The following NKD1 variants were observed in gnomAD, a reference collection of about 807,000 sequenced individuals.
The protein encoded by NKD1 is NKD inhibitor of Wnt signaling pathway 1.
A neutral mutation model predicts 56.0 loss-of-function variants in NKD1; 21 were observed. The ratio of observed to expected loss-of-function variants is 0.38; its 90% CI spans 0.27 to 0.54. The LOEUF (loss-of-function observed/expected upper bound fraction) is 0.54. NKD1 is among the 20% of genes least tolerant of loss of function. NKD1 has a pLI of 0.82. For synonymous variants in NKD1, 263 were observed against 265.7 expected, an observed-to-expected ratio of 0.99 and a Z score of 0.10; for missense variants, 578 against 642.7, an observed-to-expected ratio of 0.90 and a Z score of 1.09.
chr16:50,574,165 A>G (rs1960943605), intron 3 of NKD1: 1 of 959,900 alleles, frequency 1.0e-6, no homozygotes. Flanking sequence ...CAAATGCAGG[A>G]CTGCCTATGT....
chr16:50,590,960 G>T (rs1351652380), intron 3 of NKD1, among the ~76,000 whole-genome samples: 10 of 152,068 alleles, frequency 6.6e-5, no homozygotes, highest in Non-Finnish European at 2.9e-5. Context: ...TGGTAGCTGG[G>T]ATTACAGGTG....
Position 50,633,612 on chromosome 16 carries a change from G to T in NKD1, c.1244G>T (p.Gly415Val). Residue 415 changes from glycine (G) to valine (V), a missense_variant, in exon 10 of 10, where the codon GGC (glycine) becomes GTC (valine). Physicochemically the swap from Gly to Val is moderately radical, Grantham distance 109. Coordinates refer to ENST00000268459, the MANE Select transcript of NKD1 (RefSeq NM_033119.5). The surrounding 1 kb of genome is among the most constrained non-coding windows in gnomAD (Gnocchi z 4.9). The stretch of plus-strand genomic sequence containing the variant: ...AAGGAGAGCCAGCAGGGCTGCCGGG[G>T]CCTGCAGGCACCACTGGCCTCAGGT... Reference protein sequence around the residue: ...RAKESQQGCRGLQAPLASGGP... With the variant: ...RAKESQQGCRVLQAPLASGGP... The T allele has an allele frequency of 6.2e-7, 1 of 1,610,444 alleles. No individual in the cohort carries two copies. Among genetic ancestry groups the T allele is most frequent in the East Asian group, 2.2e-5 (1 of 44,774 alleles).
rs1962549513 is a variant in NKD1, at chr16:50,640,029, T to C, written c.*6248T>C. 1 of 152,254 alleles carries C rather than the reference T, an allele frequency of 6.6e-6. No homozygotes were observed. The highest frequency in any genetic ancestry group is 2.4e-5 in the African/African-American group (1 of 41,450). 9.4% of individuals were successfully genotyped at this position (152,254 alleles called of 1,614,324 possible). On this transcript the variant is annotated 3_prime_UTR_variant, in exon 10 of 10. Coordinates refer to ENST00000268459, the MANE Select transcript of NKD1 (RefSeq NM_033119.5). ...TTCCAAGCTTATGGGGGCCCTGTCC[T>C]TCCCCTAGTAGGGTTTGTTTTGGGG...
chr16:50,593,082 G>A (rs1434254676), intron 3 of NKD1, among the ~76,000 whole-genome samples: 1 of 152,138 alleles, frequency 6.6e-6, no homozygotes, highest in Non-Finnish European at 1.5e-5. Context: ...AACCGAGTGG[G>A]GCCGGGAACT....
chr16:50,595,448 C>T (rs1961452329), intron 3 of NKD1, among the ~76,000 whole-genome samples: 1 of 152,152 alleles, frequency 6.6e-6, no homozygotes, highest in South Asian at 2.1e-4. Context: ...AGGCTCTGGC[C>T]TGGCCTGATG....
intron 3 of NKD1, chr16:50,607,375 G>T: frequency 6.2e-6 from 1 of 160,802 alleles, no homozygotes; most frequent in Non-Finnish European, 1.4e-5. Flanking sequence ...GAGAGGGTTG[G>T]GTTTTGTTTT....
chr16:50,587,671 A>G (rs1270091390), intron 3 of NKD1, among the ~76,000 whole-genome samples: 1 of 152,216 alleles, frequency 6.6e-6, no homozygotes, highest in Non-Finnish European at 1.5e-5. Flanking sequence ...CCAGAGTTGA[A>G]TCAGTAAATG....
chr16:50,596,879 G>A (rs1961483746), intron 3 of NKD1, among the ~76,000 whole-genome samples: 2 of 152,220 alleles, frequency 1.3e-5, no homozygotes, highest in African/African-American at 2.4e-5. Context: ...CAGAGGAAGA[G>A]TCTTCCGGGT....
chr16:50,609,144 G>A (rs991537753), intron 4 of NKD1, among the ~76,000 whole-genome samples: 3 of 152,336 alleles, frequency 2.0e-5, no homozygotes, highest in Non-Finnish European at 4.4e-5. Context: ...TTTCTTCATG[G>A]TGAAGTGCCG....
intron 4 of NKD1, among the ~76,000 whole-genome samples, chr16:50,619,552 T>G (rs867926589): frequency 1.3e-5 from 2 of 152,300 alleles, no homozygotes; most frequent in Middle Eastern, 3.4e-3. Flanking sequence ...TCCATTTGCA[T>G]TCGTGAAGCC....
In NKD1 at chr16:50,598,476, G is replaced by A. The variant is rs959149827; in HGVS notation, c.193-9818G>A. On this transcript the variant is annotated intron_variant, in intron 3 of 9. Coordinates refer to ENST00000268459, the MANE Select transcript of NKD1 (RefSeq NM_033119.5). The surrounding 1 kb of genome is among the most constrained non-coding windows in gnomAD (Gnocchi z 4.2). ...CAGGAGCACACATCCTTTCCCCACA[G>A]TGAGGTGGCCTATGGCTATGGGGCA... Among the ~76,000 whole-genome samples the A allele has an allele frequency of 1.3e-5, 2 of 152,182 alleles. No individual in the cohort carries two copies. Among genetic ancestry groups the A allele is most frequent in the African/African-American group, 4.8e-5 (2 of 41,454 alleles).
chr16:50,590,988 C>A (rs776944979), intron 3 of NKD1, among the ~76,000 whole-genome samples: 10 of 151,626 alleles, frequency 6.6e-5, no homozygotes, highest in Non-Finnish European at 1.3e-4. Flanking sequence ...CCATGCCCAG[C>A]TATTTTTTTT....
At chr16:50,576,707 G>T (rs962266763) in intron 3 of NKD1, among the ~76,000 whole-genome samples, 39 of 147,890 alleles carry the variant, frequency 2.6e-4, no homozygotes, top group Admixed American at 8.1e-4. Flanking sequence ...TATTAAATAA[G>T]TATAGCTTTT....
Position 50,633,659 on chromosome 16 carries a change from C to T in NKD1, c.1291C>T (p.His431Tyr). Reference protein sequence around the residue: ...ASGGPVLGREHLRELPALVVY... With the variant: ...ASGGPVLGREYLRELPALVVY... ...AGGTGGCCCTGTCCTGGGGCGGGAG[C>T]ACCTGCGGGAGCTGCCCGCCTTGGT... Residue 431 changes from histidine to tyrosine, a missense_variant, in exon 10 of 10, where the codon CAC becomes TAC. Physicochemically the swap from His to Tyr is moderately conservative, Grantham distance 83. Transcript: ENST00000268459. This position sits in a 1 kb window ranked among gnomAD's most constrained non-coding sequence, Gnocchi z 4.9. 6.2e-7 allele frequency: 1 copy of T among 1,604,866 alleles called. No individual in the cohort carries two copies. Among genetic ancestry groups the T allele is most frequent in the Non-Finnish European group, 8.5e-7 (1 of 1,176,348 alleles).
At chr16:50,593,328 T>C (rs1028601515) in intron 3 of NKD1, among the ~76,000 whole-genome samples, 17 of 151,798 alleles carry the variant, frequency 1.1e-4, no homozygotes, top group African/African-American at 4.1e-4. Flanking sequence ...GTAGGGGAGG[T>C]ACTAGCTTCA....
chr16:50,598,293 G>C lies in NKD1; in HGVS notation c.193-10001G>C, dbSNP rs1341281439. On this transcript the variant is annotated intron_variant, in intron 3 of 9. Coordinates refer to ENST00000268459, the MANE Select transcript of NKD1 (RefSeq NM_033119.5). This position sits in a 1 kb window ranked among gnomAD's most constrained non-coding sequence, Gnocchi z 4.2. ...CACACCTGTGCTCATGGACACTCTT[G>C]TCCTGTCCGTAAAATGAGGCCTCAG... Among the ~76,000 whole-genome samples, 1 of 151,556 alleles carries C rather than the reference G, an allele frequency of 6.6e-6. No individual in the cohort carries two copies. Among genetic ancestry groups the C allele is most frequent in the African/African-American group, 2.4e-5 (1 of 41,062 alleles).
chr16:50,549,399 G>C (rs1465922462), intron 2 of NKD1, 23 bp from the exon 3 acceptor site: 4 of 1,608,630 alleles, frequency 2.5e-6, no homozygotes, highest in Non-Finnish European at 3.4e-6. Flanking sequence ...AGACTCAGGG[G>C]CTTCATGTCG....
At chr16:50,604,440 AC>A (rs1201319220) in intron 3 of NKD1, among the ~76,000 whole-genome samples, 1 of 152,196 alleles carries the variant, frequency 6.6e-6, no homozygotes, top group Non-Finnish European at 1.5e-5. Flanking sequence ...TGTTCTGGTC[AC>A]CATACAATAA....
intron 4 of NKD1, among the ~76,000 whole-genome samples, chr16:50,613,055 G>T (rs1340273012): frequency 6.6e-6 from 1 of 152,090 alleles, no homozygotes; most frequent in Non-Finnish European, 1.5e-5. Context: ...GAAGGGGGTT[G>T]AGGGAACGAG....
Sources: gnomAD v4.1 joint callset for allele counts (sites outside exome capture counted in the v4.1 genomes callset) on GRCh38, gnomAD v4.1.1 for gene constraint, Gnocchi (gnomAD v3.1) non-coding constraint, MANE v1.5 for transcripts, NCBI Gene and HGNC (gene_info 2026-07-23, HGNC 2026-07-21) for gene names.